Variants in TFDP2 observed in about 807,000 individuals in gnomAD.
TFDP2 encodes the protein transcription factor Dp-2 (E2F dimerization partner 2).
In TFDP2, 17 loss-of-function variants were observed where a neutral mutation model predicts 59.3. That is an observed-to-expected ratio of 0.29 (90% confidence interval 0.20 to 0.43). The LOEUF is 0.43. TFDP2 is among the 20% of genes least tolerant of loss of function. TFDP2 has a pLI of 1.00. For synonymous variants in TFDP2, 180 were observed against 194.7 expected (o/e 0.92, Z 0.63); for missense variants, 391 against 528.8 (o/e 0.74, Z 2.56).
chr3:142,027,041 G>T (rs1450657245), intron 3 of TFDP2, among the ~76,000 whole-genome samples: 1 of 150,260 alleles, frequency 6.7e-6, no homozygotes, highest in East Asian at 2.0e-4. Context: ...TTTTCATTTT[G>T]AGATTTTGTA....
intron 3 of TFDP2, among the ~76,000 whole-genome samples, chr3:142,062,019 C>T (rs557649879): frequency 4.6e-5 from 7 of 151,446 alleles, no homozygotes; most frequent in African/African-American, 9.7e-5. Context: ...CTCTGCCACC[C>T]GAGACGGCAA....
chr3:141,960,035 A>C (rs1937166622), intron 10 of TFDP2, among the ~76,000 whole-genome samples, 195 bp from the exon 11 acceptor site: 1 of 152,176 alleles, frequency 6.6e-6, no homozygotes, highest in African/African-American at 2.4e-5. Context: ...TTCCCAATTA[A>C]AACAACATTC....
At chr3:141,999,954 C>T (rs183931137) in intron 4 of TFDP2, among the ~76,000 whole-genome samples, 1 of 152,298 alleles carries the variant, frequency 6.6e-6, no homozygotes, top group Admixed American at 6.5e-5. Context: ...CCAGGATGGT[C>T]TCGATCTCCT....
chr3:142,127,303 CTT>C (rs769181436), intron 1 of TFDP2, among the ~76,000 whole-genome samples: 8 of 108,348 alleles, frequency 7.4e-5, no homozygotes, highest in African/African-American at 2.7e-4. Context: ...CTACACTCCG[CTT>C]TTTTTTTTTT....
chr3:142,093,528 GA>G (rs2061066537), intron 2 of TFDP2, among the ~76,000 whole-genome samples: 1 of 152,062 alleles, frequency 6.6e-6, no homozygotes, highest in Admixed American at 6.6e-5. Context: ...CTTATGAGCA[GA>G]ACTGAGATTT....
chr3:141,953,095 A>G, intron 11 of TFDP2, 79 bp from the exon 12 acceptor site: 2 of 956,154 alleles, frequency 2.1e-6, no homozygotes, highest in Middle Eastern at 2.2e-4. Context: ...AGGAAAGCAC[A>G]GAAAAGCAAG....
At chr3:142,079,138 A>G (rs1373269353) in intron 3 of TFDP2, among the ~76,000 whole-genome samples, 1 of 152,000 alleles carries the variant, frequency 6.6e-6, no homozygotes, top group African/African-American at 2.4e-5. Context: ...CCCCATCTCT[A>G]CTAAAAATAC....
chr3:142,141,661 A>G (rs2062968394), intron 1 of TFDP2, among the ~76,000 whole-genome samples: 1 of 152,054 alleles, frequency 6.6e-6, no homozygotes, highest in African/African-American at 2.4e-5. Context: ...TGTCTCTATT[A>G]AAAATACAAA....
chr3:142,089,695 G>A (rs2060935853), intron 3 of TFDP2, among the ~76,000 whole-genome samples: 1 of 151,680 alleles, frequency 6.6e-6, no homozygotes, highest in African/African-American at 2.4e-5. Context: ...CAACAATAAG[G>A]AAATGAAAAA....
chr3:142,073,614 T>TTAGG (rs1437280808), intron 3 of TFDP2, among the ~76,000 whole-genome samples: 2 of 152,096 alleles, frequency 1.3e-5, no homozygotes, highest in Non-Finnish European at 2.9e-5. Flanking sequence ...AAAAGTCTGA[T>TTAGG]TATAAGAGGA....
chr3:142,058,643 A>G (rs2059819086), intron 3 of TFDP2, among the ~76,000 whole-genome samples: 1 of 152,120 alleles, frequency 6.6e-6, no homozygotes, highest in Admixed American at 6.6e-5. Context: ...GGCTACTACA[A>G]CTCAGGAAGG....
intron 3 of TFDP2, among the ~76,000 whole-genome samples, chr3:142,026,515 T>C (rs76904027): frequency 0.013 from 2,003 of 152,242 alleles, 45 homozygotes; most frequent in African/African-American, 0.046. Flanking sequence ...GCTCAAAAAC[T>C]TTATTGGCTA....
At chr3:142,129,623 CA>C (rs2062417010) in intron 1 of TFDP2, among the ~76,000 whole-genome samples, 2 of 152,030 alleles carry the variant, frequency 1.3e-5, no homozygotes, top group African/African-American at 4.8e-5. Context: ...AAAAAGAACC[CA>C]AACAACCAGA....
At chr3:142,017,283 T>C (rs1490976827) in intron 3 of TFDP2, among the ~76,000 whole-genome samples, 2 of 152,226 alleles carry the variant, frequency 1.3e-5, no homozygotes, top group African/African-American at 2.4e-5. Context: ...TGTCATCTCA[T>C]TCATTGCTCC....
intron 3 of TFDP2, among the ~76,000 whole-genome samples, chr3:142,023,410 C>T (rs539438224): frequency 3.3e-5 from 5 of 151,376 alleles, no homozygotes; most frequent in South Asian, 2.1e-4. Flanking sequence ...AGGCTGGTCT[C>T]GAACTCCTGA....
At chr3:141,985,561 T>C (rs1942006525) in intron 6 of TFDP2, among the ~76,000 whole-genome samples, 1 of 148,200 alleles carries the variant, frequency 6.7e-6, no homozygotes, top group Non-Finnish European at 1.5e-5. Flanking sequence ...TTTTTCTTCA[T>C]AGATTTTCTA....
chr3:142,008,824 ATGTG>A (rs1314590180), intron 3 of TFDP2, among the ~76,000 whole-genome samples: 1 of 152,140 alleles, frequency 6.6e-6, no homozygotes, highest in Admixed American at 6.5e-5. Flanking sequence ...TATACATTTT[ATGTG>A]TGTGTATGTA....
intron 3 of TFDP2, among the ~76,000 whole-genome samples, chr3:142,040,114 A>AACACAC (rs61576382): frequency 6.7e-6 from 1 of 150,316 alleles, no homozygotes; most frequent in African/African-American, 2.4e-5. Context: ...CACAAAATAA[A>AACACAC]ACACACACAC....
intron 3 of TFDP2, among the ~76,000 whole-genome samples, chr3:142,078,260 C>T (rs1269069160): frequency 6.6e-6 from 1 of 152,192 alleles, no homozygotes; most frequent in African/African-American, 2.4e-5. Context: ...ACTCGCTGCC[C>T]TGAAGGGAAG....
Sources: allele counts gnomAD v4.1 joint callset (sites outside exome capture counted in the v4.1 genomes callset), GRCh38; gene constraint gnomAD v4.1.1; transcripts MANE v1.5; gene names NCBI Gene and HGNC (gene_info 2026-07-23, HGNC 2026-07-21).